Variants in PLXNC1 observed in about 807,000 individuals in gnomAD.
PLXNC1 encodes the protein plexin-C1.
PLXNC1 carries 75 observed loss-of-function variants against 178.2 expected under a neutral mutation model. That is an observed-to-expected ratio of 0.42 (90% CI 0.35 to 0.51). PLXNC1 has a LOEUF of 0.51. Ranked by LOEUF, PLXNC1 falls within the 20% of genes least tolerant of loss-of-function variation. The pLI is 0.02. For missense variants in PLXNC1, 1,503 were observed against 1,984.4 expected, an observed-to-expected ratio of 0.76 and a Z score of 4.61; for synonymous variants, 790 against 779.9, an observed-to-expected ratio of 1.01 and a Z score of -0.22.
At chr12:94,275,323 G>A (rs1378398666) in intron 21 of PLXNC1, among the ~76,000 whole-genome samples, 1 of 152,246 alleles carries the variant, frequency 6.6e-6, no homozygotes, top group Non-Finnish European at 1.5e-5. Flanking sequence ...AGGAGAACAT[G>A]CTGGTTAAAT....
At chr12:94,271,070 T>G (rs1565843971) in intron 21 of PLXNC1, among the ~76,000 whole-genome samples, 1 of 152,238 alleles carries the variant, frequency 6.6e-6, no homozygotes, top group East Asian at 1.9e-4. Context: ...AAACTGAATT[T>G]TCTTTCTTGT....
chr12:94,193,432 A>G (rs1962796636), intron 4 of PLXNC1, among the ~76,000 whole-genome samples: 1 of 152,182 alleles, frequency 6.6e-6, no homozygotes, highest in Non-Finnish European at 1.5e-5. Flanking sequence ...GGGCTTAGTG[A>G]TTAATTAGAT....
At position 94,260,897 on chromosome 12, in the gene PLXNC1, GCGGACTCTGATGC is replaced by G; in HGVS notation, c.3450+59_3450+71del. 2 of 1,455,366 alleles carry G rather than the reference GCGGACTCTGATGC, an allele frequency of 1.4e-6. No individual in the cohort carries two copies. The highest frequency in any genetic ancestry group is 1.9e-6 in the Non-Finnish European group (2 of 1,043,772). The allele number at this position is 1,455,366 out of a possible 1,614,324, so 90.2% of individuals were successfully genotyped here. ...GTAAGACAATAGGCAGTTATTTTTA[GCGGACTCTGATGC>G]CTTTGCCAGGATAAATCCTGAATGC... On this transcript the variant is annotated intron_variant, in intron 20 of 30. Coordinates refer to ENST00000258526, the MANE Select transcript of PLXNC1 (RefSeq NM_005761.3). The surrounding 1 kb of genome is among the most constrained non-coding windows in gnomAD (Gnocchi z 4.4).
At chr12:94,154,779 T>G (rs1482076572) in intron 1 of PLXNC1, among the ~76,000 whole-genome samples, 1 of 152,224 alleles carries the variant, frequency 6.6e-6, no homozygotes, top group African/African-American at 2.4e-5. Context: ...CTGGCAGGAT[T>G]GTAGTTTCTT....
At position 94,220,076 on chromosome 12, in the gene PLXNC1, G is replaced by A; in HGVS notation, c.1615G>A (p.Val539Met). 1 of 1,613,950 alleles carries A rather than the reference G, an allele frequency of 6.2e-7. No homozygotes were observed. The highest frequency in any genetic ancestry group is 1.7e-5 in the Admixed American group (1 of 60,008). The change falls in exon 6 of 31, where the codon GTG (valine) becomes ATG (methionine). Residue 539 changes from valine (V) to methionine (M), a missense_variant. This residue lies in a region of PLXNC1 where 615 missense variants were observed against 698.6 expected (regional missense o/e 0.88). Coordinates refer to ENST00000258526, the MANE Select transcript of PLXNC1 (RefSeq NM_005761.3). Reference protein sequence around the residue: ...PRHSKCMVKNVDSSRELCQNK... With the variant: ...PRHSKCMVKNMDSSRELCQNK... ...ACACTCAAAGTGCATGGTGAAGAAT[G>A]TGGACTCTAGCAGGGAGCTCTGCCA... is the stretch of plus-strand genomic sequence containing the variant.
In PLXNC1 at chr12:94,303,956, C is replaced by T. The variant is rs777648185; in HGVS notation, c.4528-21C>T. 6.8e-6 allele frequency: 11 copies of T among 1,606,540 alleles called. No homozygotes were observed. In the South Asian group the frequency reaches 1.1e-4, roughly 16 times the overall value. ...GTTACTTTACGTCATTTCAGAATCT[C>T]TCAACAAGTCTTTCTTTTAGAAACA... is the stretch of plus-strand genomic sequence containing the variant. On this transcript the variant is annotated intron_variant, in intron 29 of 30. Coordinates refer to ENST00000258526, the MANE Select transcript of PLXNC1 (RefSeq NM_005761.3).
chr12:94,163,967 T>G (rs1961493314), intron 1 of PLXNC1, among the ~76,000 whole-genome samples: 1 of 152,208 alleles, frequency 6.6e-6, no homozygotes, highest in Non-Finnish European at 1.5e-5. Context: ...ACACATGATT[T>G]CATCTGGACC....
intron 9 of PLXNC1, among the ~76,000 whole-genome samples, chr12:94,237,326 C>T (rs999810252): frequency 7.2e-5 from 11 of 152,286 alleles, no homozygotes; most frequent in African/African-American, 2.4e-4. Flanking sequence ...ATTTTGCTTA[C>T]ATTGTGAGCC....
chr12:94,228,914 A>G (rs1272755045), intron 9 of PLXNC1, among the ~76,000 whole-genome samples: 1 of 152,158 alleles, frequency 6.6e-6, no homozygotes, highest in African/African-American at 2.4e-5. Context: ...TTTTCGGTAT[A>G]TGCCCAGAAG....
At chr12:94,283,329 G>A (rs557592989) in intron 23 of PLXNC1, among the ~76,000 whole-genome samples, 153 of 152,328 alleles carry the variant, frequency 1.0e-3, no homozygotes, top group African/African-American at 3.6e-3. Flanking sequence ...GGGAGAGCAT[G>A]CGTGTTAGAC....
chr12:94,305,469 G>T lies in PLXNC1; in HGVS notation c.*184G>T, dbSNP rs1299642047. ...AAAGCATACCAACCCTTGTGCCTGT[G>T]TGTATACCGTGGGAACCCTTCTGTA... On this transcript the variant is annotated 3_prime_UTR_variant, in exon 31 of 31. Transcript: ENST00000258526. The T allele has an allele frequency of 3.6e-6, 2 of 549,492 alleles. No individual in the cohort carries two copies. The highest frequency in any genetic ancestry group is 1.9e-5 in the African/African-American group (1 of 52,768). The allele number at this position is 549,492 out of a possible 1,614,324, so 34.0% of individuals were successfully genotyped here. A position where few individuals can be genotyped will look rare whatever the true frequency, so the allele number is the denominator to read the frequency against.
chr12:94,149,580 G>A lies in PLXNC1; in HGVS notation c.609G>A (p.Thr203=), dbSNP rs374700008. The A allele has an allele frequency of 5.5e-5, 87 of 1,568,402 alleles. No homozygotes were observed. Among genetic ancestry groups the A allele is most frequent in the Non-Finnish European group, 7.1e-5 (82 of 1,160,130 alleles). Residue 203 remains threonine, a synonymous_variant, in exon 1 of 31, where the codon ACG becomes ACA. Transcript: ENST00000258526. ...ACCCCGCGGCATCCGACCACGACAC[G>A]GCCATCGCGCTCAAGGACACGGAGG... The part of the protein sequence containing the change: ...RCNPAASDHD[T]AIALKDTEGR...
intron 2 of PLXNC1, among the ~76,000 whole-genome samples, chr12:94,181,118 G>A (rs1004828028): frequency 6.6e-6 from 1 of 152,122 alleles, no homozygotes; most frequent in African/African-American, 2.4e-5. Context: ...GTTGAATAGA[G>A]GCCGGAAGTG....
intron 3 of PLXNC1, chr12:94,186,067 G>A (rs899530599): frequency 3.9e-6 from 1 of 255,018 alleles, no homozygotes; most frequent in African/African-American, 2.2e-5. Flanking sequence ...AACGTAGTGA[G>A]ACCCTGTGTC....
At chr12:94,168,767 G>A (rs1321196301) in intron 1 of PLXNC1, among the ~76,000 whole-genome samples, 3 of 152,170 alleles carry the variant, frequency 2.0e-5, no homozygotes, top group Non-Finnish European at 4.4e-5. Flanking sequence ...CCAACGCCTA[G>A]CTAAAATGAA....
intron 1 of PLXNC1, among the ~76,000 whole-genome samples, chr12:94,158,874 T>C (rs1225222541): frequency 1.3e-5 from 2 of 152,130 alleles, no homozygotes; most frequent in Admixed American, 6.5e-5. Context: ...CCCTACAACT[T>C]GCCACACCCC....
chr12:94,299,986 G>A (rs1009545348), intron 27 of PLXNC1, among the ~76,000 whole-genome samples: 4 of 152,180 alleles, frequency 2.6e-5, no homozygotes, highest in Non-Finnish European at 5.9e-5. Context: ...GAGCTGTTGG[G>A]AGACCTAGCA....
At chr12:94,271,538 G>A (rs910676133) in intron 21 of PLXNC1, among the ~76,000 whole-genome samples, 4 of 152,204 alleles carry the variant, frequency 2.6e-5, no homozygotes, top group Admixed American at 1.3e-4. Context: ...GAAGAGGTGG[G>A]GTTTGGAGTC....
chr12:94,206,556 A>T (rs1332543175), intron 4 of PLXNC1, among the ~76,000 whole-genome samples: 2 of 151,924 alleles, frequency 1.3e-5, no homozygotes, highest in Middle Eastern at 3.2e-3. Context: ...TCTAATTTGC[A>T]AATAGGCTTG....
Sources: gnomAD v4.1 joint callset for allele counts (sites outside exome capture counted in the v4.1 genomes callset) on GRCh38, gnomAD v4.1.1 for gene constraint, gnomAD v4.1.1 regional missense constraint, Gnocchi (gnomAD v3.1) non-coding constraint, MANE v1.5 for transcripts, NCBI Gene and HGNC (gene_info 2026-07-23, HGNC 2026-07-21) for gene names.